JAKMIP1: variants seen among roughly 807,000 people sequenced by gnomAD.
JAKMIP1 encodes the protein janus kinase and microtubule interacting protein 1, also known as janus kinase and microtubule-interacting protein 1.
JAKMIP1 carries 33 observed loss-of-function variants against 113.0 expected under a neutral mutation model. That is an observed-to-expected ratio of 0.29 (90% CI 0.22 to 0.39). The LOEUF is 0.39. Ranked by LOEUF, JAKMIP1 falls within the 10% of genes least tolerant of loss-of-function variation. JAKMIP1 has a pLI of 1.00. For synonymous variants in JAKMIP1, 480 were observed against 459.9 expected (o/e 1.04, Z -0.56); for missense variants, 813 against 1,080.5 (o/e 0.75, Z 3.47).
At chr4:6,122,071 G>A (rs1264749324) in intron 1 of JAKMIP1, among the ~76,000 whole-genome samples, 1 of 152,210 alleles carries the variant, frequency 6.6e-6, no homozygotes, top group Non-Finnish European at 1.5e-5. Flanking sequence ...AGGGCCGGAT[G>A]CAGTGGCTCA....
rs1354119221 is a variant in JAKMIP1, at chr4:6,143,181, G to A, written c.-147-30184C>T. ...GTGAGTACGAGCTAAGTTAACCCAC[G>A]CACAGCACCTTGCACAGTGCCTGGT... On this transcript the variant is annotated intron_variant, in intron 1 of 20. Transcript: ENST00000409021. This position sits in a 1 kb window ranked among gnomAD's most constrained non-coding sequence, Gnocchi z 4.9. Among the ~76,000 whole-genome samples, 2 of 152,290 alleles carry A rather than the reference G, an allele frequency of 1.3e-5. No homozygotes were observed. Among genetic ancestry groups the A allele is most frequent in the East Asian group, 3.9e-4 (2 of 5,178 alleles).
chr4:6,099,092 A>T (rs148724908), intron 3 of JAKMIP1, among the ~76,000 whole-genome samples: 1 of 152,356 alleles, frequency 6.6e-6, no homozygotes, highest in East Asian at 1.9e-4. Context: ...TATTGCTCAC[A>T]GAGCATGTTT....
intron 19 of JAKMIP1, among the ~76,000 whole-genome samples, chr4:6,034,304 T>A (rs1353988589): frequency 6.6e-6 from 1 of 151,952 alleles, no homozygotes; most frequent in Admixed American, 6.6e-5. Flanking sequence ...AAATAATTTG[T>A]CCAAGGCCAC....
chr4:6,138,907 G>T lies in JAKMIP1; in HGVS notation c.-147-25910C>A, dbSNP rs899741092. Among the ~76,000 whole-genome samples the T allele has an allele frequency of 8.5e-5, 13 of 152,186 alleles. No individual in the cohort carries two copies. Among genetic ancestry groups the T allele is most frequent in the African/African-American group, 2.4e-4 (10 of 41,410 alleles). ...CAGAGCAAGGCCAGTTGGGCGCTAA[G>T]CAACTACTGCTTACTGCCTTGATTC... On this transcript the variant is annotated intron_variant, in intron 1 of 20. Transcript: ENST00000409021. This position sits in a 1 kb window ranked among gnomAD's most constrained non-coding sequence, Gnocchi z 6.0.
Position 6,064,886 on chromosome 4 carries a change from C to G in JAKMIP1, c.1425G>C (p.Leu475Phe), listed in dbSNP as rs1717833517. The G allele has an allele frequency of 1.2e-6, 2 of 1,613,894 alleles. No homozygotes were observed. Among genetic ancestry groups the G allele is most frequent in the Non-Finnish European group, 1.7e-6 (2 of 1,180,026 alleles). Residue 475 changes from leucine (L) to phenylalanine (F), a missense_variant, in exon 9 of 21, where the codon TTG (leucine) becomes TTC (phenylalanine). Transcript: ENST00000409021. This position sits in a 1 kb window ranked among gnomAD's most constrained non-coding sequence, Gnocchi z 4.3. ...DRTPATPEED[L>F]DDATAREEAD... Reference sequence around the variant, plus strand: ...TCTCTGCAGGTTTGCTTACATCGTCCAAGTCTTCTTCGGGCGTGGCTGGGG... The same window carrying G: ...TCTCTGCAGGTTTGCTTACATCGTCGAAGTCTTCTTCGGGCGTGGCTGGGG...
rs1715349820 is a variant in JAKMIP1 at position 6,049,128 on chromosome 4, A to C, written c.1963-206T>G. 6.6e-6 allele frequency among the ~76,000 whole-genome samples: 1 copy of C among 152,072 alleles called. No individual in the cohort carries two copies. Among genetic ancestry groups the C allele is most frequent in the Non-Finnish European group, 1.5e-5 (1 of 68,008 alleles). On this transcript the variant is annotated intron_variant, in intron 15 of 20. Transcript: ENST00000409021. This position sits in a 1 kb window ranked among gnomAD's most constrained non-coding sequence, Gnocchi z 7.0. ...CTGTAACCTCTGCCTCCTGGGTTCA[A>C]GTGATTCTCTTGCCTCAGCCTCCCG...
intron 5 of JAKMIP1, among the ~76,000 whole-genome samples, chr4:6,082,540 G>A (rs7692442): frequency 1.8e-4 from 28 of 151,466 alleles, no homozygotes; most frequent in African/African-American, 5.3e-4. Flanking sequence ...GTCTCACTTC[G>A]TCACCCAGGC....
chr4:6,043,530 A>C (rs1578071604), intron 16 of JAKMIP1, among the ~76,000 whole-genome samples: 2 of 150,674 alleles, frequency 1.3e-5, no homozygotes, highest in Non-Finnish European at 1.5e-5. Flanking sequence ...TGCCTCCTGC[A>C]CCCCTCCACT....
chr4:6,098,825 C>T (rs1712515038), intron 3 of JAKMIP1, among the ~76,000 whole-genome samples: 1 of 152,206 alleles, frequency 6.6e-6, no homozygotes. Context: ...GCTCCTGCCG[C>T]TTCCTGATCA....
At chr4:6,127,440 G>A (rs1717852248) in intron 1 of JAKMIP1, among the ~76,000 whole-genome samples, 1 of 152,226 alleles carries the variant, frequency 6.6e-6, no homozygotes, top group Admixed American at 6.5e-5. Flanking sequence ...GGGGAAGCCT[G>A]TGCCTGAGGG....
intron 1 of JAKMIP1, among the ~76,000 whole-genome samples, chr4:6,191,095 T>C (rs921911232): frequency 2.6e-5 from 4 of 152,066 alleles, no homozygotes; most frequent in African/African-American, 9.7e-5. Flanking sequence ...CTGGTGCAAT[T>C]AATATTGCAA....
chr4:6,073,669 G>A (rs1341456686), intron 8 of JAKMIP1, among the ~76,000 whole-genome samples: 1 of 152,194 alleles, frequency 6.6e-6, no homozygotes, highest in Non-Finnish European at 1.5e-5. Flanking sequence ...AGAACCAGAA[G>A]CTTCCTTAGA....
chr4:6,116,779 C>G lies in JAKMIP1; in HGVS notation c.-147-3782G>C, dbSNP rs57342735. Among the ~76,000 whole-genome samples, 1,019 of 152,274 alleles carry G rather than the reference C, an allele frequency of 6.7e-3. 16 individuals carry two copies. The highest frequency in any genetic ancestry group is 0.023 in the African/African-American group (969 of 41,552). On this transcript the variant is annotated intron_variant, in intron 1 of 20. Transcript: ENST00000409021. The surrounding 1 kb of genome is among the most constrained non-coding windows in gnomAD (Gnocchi z 5.1). Reference sequence around the variant, plus strand: ...CAGAACGGTCTAGTCAGGAACACCACTATGGAAATGAATACATAAAACAAT... The same window carrying G: ...CAGAACGGTCTAGTCAGGAACACCAGTATGGAAATGAATACATAAAACAAT...
intron 3 of JAKMIP1, among the ~76,000 whole-genome samples, chr4:6,098,228 C>G (rs369114284): frequency 7.2e-5 from 11 of 152,104 alleles, no homozygotes. Flanking sequence ...GTCAGGAGTT[C>G]GAGACCAGCC....
At chr4:6,045,688 C>T (rs1443530320) in intron 16 of JAKMIP1, among the ~76,000 whole-genome samples, 1 of 152,172 alleles carries the variant, frequency 6.6e-6, no homozygotes, top group Non-Finnish European at 1.5e-5. Context: ...GCCTAACCAA[C>T]ATGGAGAAAC....
At position 6,140,504 on chromosome 4, in the gene JAKMIP1, G is replaced by C. The variant is rs1719976570; in HGVS notation, c.-147-27507C>G. On this transcript the variant is annotated intron_variant, in intron 1 of 20. Transcript: ENST00000409021. This position sits in a 1 kb window ranked among gnomAD's most constrained non-coding sequence, Gnocchi z 9.4. ...TTCGTGGTCCCCCCGATCAGCTTAA[G>C]GCCCCTTCCAATAATGTGGCTCGGG... 6.6e-6 allele frequency among the ~76,000 whole-genome samples: 1 copy of C among 152,078 alleles called. No homozygotes were observed. The highest frequency in any genetic ancestry group is 2.4e-5 in the African/African-American group (1 of 41,350).
In JAKMIP1 at chr4:6,050,618, C is replaced by A. The variant is rs866872102; in HGVS notation, c.1868G>T (p.Ser623Ile). 1 of 1,576,532 alleles carries A rather than the reference C, an allele frequency of 6.3e-7. No homozygotes were observed. Among genetic ancestry groups the A allele is most frequent in the Admixed American group, 1.8e-5 (1 of 54,358 alleles). Residue 623 changes from serine (S) to isoleucine (I), a missense_variant, in exon 14 of 21, where the codon AGC becomes ATC. Ser to Ile is a moderately radical substitution (Grantham distance 142, BLOSUM62 -2). This residue lies in a region of JAKMIP1 where 273 missense variants were observed against 426.6 expected (regional missense o/e 0.64). Transcript: ENST00000409021. The surrounding 1 kb of genome is among the most constrained non-coding windows in gnomAD (Gnocchi z 7.4). ...GTGACAGAACAGCTGGAGAGCGCTG[C>A]TGTGGTTCTCGGGGAAGGTGGTGAT... ...LQITTFPENH[S>I]SALQLFCHQE...
rs1022850295 is a variant in JAKMIP1 at position 6,061,995 on chromosome 4, C to A, written c.1560+317G>T. Reference sequence around the variant, plus strand: ...GCCCTGGAGGGAGCGGAGCCTGAAGCCTGCAAGCCAGCCAAGTCTGTGATT... The same window carrying A: ...GCCCTGGAGGGAGCGGAGCCTGAAGACTGCAAGCCAGCCAAGTCTGTGATT... On this transcript the variant is annotated intron_variant, in intron 10 of 20. Coordinates refer to ENST00000409021, the MANE Select transcript of JAKMIP1 (RefSeq NM_001099433.2). The surrounding 1 kb of genome is among the most constrained non-coding windows in gnomAD (Gnocchi z 5.3). Among the ~76,000 whole-genome samples, 3 of 152,194 alleles carry A rather than the reference C, an allele frequency of 2.0e-5. No individual in the cohort carries two copies. Among genetic ancestry groups the A allele is most frequent in the Admixed American group, 2.0e-4 (3 of 15,288 alleles).
chr4:6,148,382 C>T (rs1038004897), intron 1 of JAKMIP1, among the ~76,000 whole-genome samples: 10 of 152,236 alleles, frequency 6.6e-5, no homozygotes, highest in African/African-American at 2.4e-4. Flanking sequence ...TTCCTTTCTT[C>T]CTAAGCAAAT....
Sources: allele counts gnomAD v4.1 joint callset (sites outside exome capture counted in the v4.1 genomes callset), GRCh38; gene constraint gnomAD v4.1.1; regional missense constraint gnomAD v4.1.1; non-coding constraint Gnocchi (gnomAD v3.1); transcripts MANE v1.5; gene names NCBI Gene and HGNC (gene_info 2026-07-23, HGNC 2026-07-21).